STX2: variants seen among roughly 807,000 people sequenced by gnomAD.
The protein encoded by STX2 is syntaxin-2.
STX2 carries 27 observed loss-of-function variants against 40.6 expected under a neutral mutation model. The ratio of observed to expected loss-of-function variants is 0.66; its 90% CI spans 0.49 to 0.92. The LOEUF is 0.92. Ranked by LOEUF, STX2 falls within the 40% of genes least tolerant of loss-of-function variation. The pLI is 0.00. For missense variants in STX2, 328 were observed against 366.1 expected (o/e 0.90, Z 0.85); for synonymous variants, 123 against 119.1 (o/e 1.03, Z -0.22).
chr12:130,818,655 A>AGATGGGGAC (rs1555222454), intron 3 of STX2, among the ~76,000 whole-genome samples: 28 of 151,494 alleles, frequency 1.8e-4, no homozygotes, highest in African/African-American at 5.9e-4. Context: ...GCGGCGCTGG[A>AGATGGGGAC]GATGGAGACG....
Position 130,811,411 on chromosome 12 carries a change from TG to T in STX2, c.280+1545del, listed in dbSNP as rs1486532899. Reference sequence around the variant, plus strand: ...ACTGCTTGCAACTTCTAATGAATTATGGATCTTGGAAATAATCATCCATTTT... The same window carrying T: ...ACTGCTTGCAACTTCTAATGAATTATGATCTTGGAAATAATCATCCATTTT... On this transcript the variant is annotated intron_variant, in intron 4 of 10. Transcript: ENST00000392373. Among the ~76,000 whole-genome samples, 23 of 151,662 alleles carry T rather than the reference TG, an allele frequency of 1.5e-4. 1 individual carries two copies. The highest frequency in any genetic ancestry group is 3.4e-3 in the Middle Eastern group (1 of 292).
At chr12:130,812,256 T>C (rs2136286099) in intron 4 of STX2, 1 of 404,726 alleles carries the variant, frequency 2.5e-6, no homozygotes, top group South Asian at 1.8e-5. Flanking sequence ...AATTTGGGTT[T>C]AGATATAATT....
At position 130,839,048 on chromosome 12, in the gene STX2, G is replaced by A. The variant is rs1053065601; in HGVS notation, c.30+22C>T. Reference sequence around the variant, plus strand: ...ACGCCGCCCCGGCCGGGCCTGAACCGCTACCCGCGGCTGCCGCTCACCGCC... The same window carrying A: ...ACGCCGCCCCGGCCGGGCCTGAACCACTACCCGCGGCTGCCGCTCACCGCC... On this transcript the variant is annotated intron_variant, in intron 1 of 10. Coordinates refer to ENST00000392373, the MANE Select transcript of STX2 (RefSeq NM_194356.4). 5.6e-5 allele frequency: 70 copies of A among 1,243,424 alleles called. No individual in the cohort carries two copies. The African/African-American group carries it at 9.8e-4, about 17-fold the overall frequency. The allele number at this position is 1,243,424 out of a possible 1,614,324, so 77.0% of individuals were successfully genotyped here. A position where few individuals can be genotyped will look rare whatever the true frequency, so the allele number is the denominator to read the frequency against.
rs2136244961 is a variant in STX2 at position 130,801,134 on chromosome 12, T to C, written c.675+19A>G. ...CATGACTGATATCTCTCTTGGAGAA[T>C]GCAAGAGTCTGTAACTACCTGAGTC... is the stretch of plus-strand genomic sequence containing the variant. On this transcript the variant is annotated intron_variant, in intron 8 of 10. Transcript: ENST00000392373. The C allele has an allele frequency of 6.2e-7, 1 of 1,601,496 alleles. No individual in the cohort carries two copies. The highest frequency in any genetic ancestry group is 1.1e-5 in the South Asian group (1 of 89,716).
intron 6 of STX2, among the ~76,000 whole-genome samples, chr12:130,804,803 A>G (rs1252830889): frequency 6.6e-6 from 1 of 151,550 alleles, no homozygotes; most frequent in Non-Finnish European, 1.5e-5. Context: ...CACGTATATG[A>G]TACTTCATTG....
chr12:130,796,155 T>C lies in STX2; in HGVS notation c.787-35A>G, dbSNP rs1327570403. 3.1e-6 allele frequency: 5 copies of C among 1,612,682 alleles called. No individual in the cohort carries two copies. In the South Asian group the frequency reaches 4.4e-5, roughly 14 times the overall value. ...AAAAGCAAGCTGATTATATCATGCATGGTTAATTTCATATTGCCACATTAA... is the reference window on the plus strand; with the variant it reads ...AAAAGCAAGCTGATTATATCATGCACGGTTAATTTCATATTGCCACATTAA... On this transcript the variant is annotated intron_variant, in intron 9 of 10. Coordinates refer to ENST00000392373, the MANE Select transcript of STX2 (RefSeq NM_194356.4).
chr12:130,813,554 TCAGA>T (rs1267869157), intron 3 of STX2, among the ~76,000 whole-genome samples: 2 of 152,172 alleles, frequency 1.3e-5, no homozygotes, highest in Non-Finnish European at 2.9e-5. Context: ...GCCTGGCTTC[TCAGA>T]CACTCAGGGC....
At chr12:130,796,220 G>T in intron 9 of STX2, 100 bp from the exon 10 acceptor site, 1 of 1,483,852 alleles carries the variant, frequency 6.7e-7, no homozygotes, top group South Asian at 1.3e-5. Flanking sequence ...CTGGCCAGGT[G>T]TGGTGGCTCA....
intron 6 of STX2, among the ~76,000 whole-genome samples, chr12:130,805,003 G>A (rs185676807): frequency 8.5e-5 from 13 of 152,232 alleles, no homozygotes; most frequent in African/African-American, 1.2e-4. Context: ...GAGATGGTGC[G>A]GGGCCTTCAA....
chr12:130,817,294 G>A (rs950051101), intron 3 of STX2, among the ~76,000 whole-genome samples: 2 of 152,114 alleles, frequency 1.3e-5, no homozygotes, highest in Admixed American at 1.3e-4. Context: ...GGAATTCTAG[G>A]AGTTAAAACC....
At chr12:130,811,949 A>AGT (rs1238066652) in intron 4 of STX2, among the ~76,000 whole-genome samples, 1 of 152,148 alleles carries the variant, frequency 6.6e-6, no homozygotes, top group African/African-American at 2.4e-5. Flanking sequence ...AAGCTTGGAG[A>AGT]ATTTAACTAC....
intron 2 of STX2, among the ~76,000 whole-genome samples, chr12:130,824,368 G>C (rs1290072518): frequency 1.3e-5 from 2 of 152,188 alleles, no homozygotes; most frequent in African/African-American, 4.8e-5. Flanking sequence ...CTGGGTGACA[G>C]AGCGAGGCTC....
intron 10 of STX2, among the ~76,000 whole-genome samples, chr12:130,792,811 A>G (rs1001743602): frequency 6.6e-6 from 1 of 152,226 alleles, no homozygotes; most frequent in Admixed American, 6.5e-5. Flanking sequence ...TAAGAAATCA[A>G]CAAGACATTC....
At chr12:130,819,524 A>T (rs985112235) in intron 3 of STX2, among the ~76,000 whole-genome samples, 3 of 152,244 alleles carry the variant, frequency 2.0e-5, no homozygotes, top group Non-Finnish European at 4.4e-5. Context: ...GGTTTTCTTT[A>T]GAGCCCAAAA....
chr12:130,808,535 T>C (rs551617985), intron 5 of STX2, 96 bp downstream of exon 5: 37 of 1,064,260 alleles, frequency 3.5e-5, no homozygotes, highest in African/African-American at 3.3e-4. Context: ...AGGATAAGCA[T>C]GACAGTAAAG....
At chr12:130,811,468 A>G (rs73162873) in intron 4 of STX2, among the ~76,000 whole-genome samples, 84,580 of 150,764 alleles carry the variant, frequency 0.56, 26,198 homozygotes, top group East Asian at 0.87. Context: ...AAAGAATGTT[A>G]TATCTTATTT....
intron 10 of STX2, among the ~76,000 whole-genome samples, chr12:130,793,447 C>A (rs1593105302): frequency 6.7e-6 from 1 of 150,300 alleles, no homozygotes; most frequent in African/African-American, 2.5e-5. Flanking sequence ...CACCTGGAGT[C>A]AGCTCCACGC....
At chr12:130,832,515 A>G (rs1171600768) in intron 1 of STX2, among the ~76,000 whole-genome samples, 1 of 152,146 alleles carries the variant, frequency 6.6e-6, no homozygotes, top group East Asian at 1.9e-4. Context: ...CTTGCAATAA[A>G]TTGGATGCCC....
chr12:130,821,620 C>A (rs192405245), intron 3 of STX2, 69 bp downstream of exon 3: 3 of 1,259,482 alleles, frequency 2.4e-6, no homozygotes, highest in Non-Finnish European at 3.5e-6. Flanking sequence ...AGAGTTGAGG[C>A]CTGTGCCGCA....
Sources: allele counts gnomAD v4.1 joint callset (sites outside exome capture counted in the v4.1 genomes callset), GRCh38; gene constraint gnomAD v4.1.1; transcripts MANE v1.5; gene names NCBI Gene and HGNC (gene_info 2026-07-23, HGNC 2026-07-21).